Variants in NEGR1 observed in about 807,000 individuals in gnomAD.
The protein encoded by NEGR1 is IgLON family member 4.
In NEGR1, 10 loss-of-function variants were observed where a neutral mutation model predicts 40.9. The ratio of observed to expected loss-of-function variants is 0.24; its 90% CI spans 0.15 to 0.42. The LOEUF (loss-of-function observed/expected upper bound fraction) is 0.42. Ranked by LOEUF, NEGR1 falls within the 10% of genes least tolerant of loss-of-function variation. NEGR1 has a pLI of 1.00. For missense variants in NEGR1, 352 were observed against 438.9 expected (o/e 0.80, Z 1.77); for synonymous variants, 185 against 166.8 (o/e 1.11, Z -0.84).
At chr1:71,419,523 C>T (rs1403348943) in intron 6 of NEGR1, among the ~76,000 whole-genome samples, 1 of 152,056 alleles carries the variant, frequency 6.6e-6, no homozygotes, top group Non-Finnish European at 1.5e-5. Flanking sequence ...CAACAAAAAA[C>T]CCAGGTCTTA....
chr1:72,010,638 C>G (rs1045122053), intron 1 of NEGR1, among the ~76,000 whole-genome samples: 8 of 151,840 alleles, frequency 5.3e-5, no homozygotes, highest in African/African-American at 1.9e-4. Flanking sequence ...TCTCCCACCC[C>G]CTCCAGGACT....
At chr1:71,463,803 A>G (rs899807165) in intron 6 of NEGR1, among the ~76,000 whole-genome samples, 5 of 152,176 alleles carry the variant, frequency 3.3e-5, no homozygotes, top group African/African-American at 1.2e-4. Flanking sequence ...GGACAAAATG[A>G]TGCAGCTACA....
intron 5 of NEGR1, among the ~76,000 whole-genome samples, chr1:71,597,734 T>C (rs1760605): frequency 0.99 from 150,709 of 151,610 alleles, 74,908 homozygotes; most frequent in East Asian, 1. Context: ...GGGTGAAACC[T>C]CGTTTCTACT....
chr1:71,504,599 C>G lies in NEGR1; in HGVS notation c.940+88218G>C, dbSNP rs565417069. On this transcript the variant is annotated intron_variant, in intron 6 of 6. Transcript: ENST00000357731. ...CTTCAGGGGTTCCTTCTGAGTAGGT[C>G]CCACCAGGACTTTTAATAAATTTGA... 5.9e-5 allele frequency among the ~76,000 whole-genome samples: 9 copies of G among 152,200 alleles called. No homozygotes were observed. The South Asian group carries it at 1.7e-3, about 28-fold the overall frequency.
intron 1 of NEGR1, among the ~76,000 whole-genome samples, chr1:72,254,842 C>T (rs763757937): frequency 6.6e-6 from 1 of 150,902 alleles, no homozygotes; most frequent in Non-Finnish European, 1.5e-5. Context: ...TGTTTAAAAA[C>T]TTGTCTCTTT....
intron 6 of NEGR1, chr1:71,487,909 G>T (rs1454251309): frequency 6.6e-6 from 1 of 151,628 alleles, no homozygotes; most frequent in Non-Finnish European, 1.5e-5. Context: ...CTAAAAACAT[G>T]TTGATCATGA....
chr1:71,725,126 T>C (rs1654629660), intron 3 of NEGR1, among the ~76,000 whole-genome samples: 1 of 152,192 alleles, frequency 6.6e-6, no homozygotes, highest in South Asian at 2.1e-4. Flanking sequence ...TGGTATCTAT[T>C]ATATTACTCT....
At chr1:71,501,869 T>A (rs1305345056) in intron 6 of NEGR1, among the ~76,000 whole-genome samples, 2 of 152,206 alleles carry the variant, frequency 1.3e-5, no homozygotes, top group Non-Finnish European at 2.9e-5. Context: ...TAAAGCATAT[T>A]AATTACTTAT....
rs139647987 is a variant in NEGR1 at position 71,956,329 on chromosome 1, C to T, written c.177-21018G>A. Among the ~76,000 whole-genome samples the T allele has an allele frequency of 8.9e-3, 1,353 of 152,158 alleles. 11 individuals are homozygous for T. Among genetic ancestry groups the T allele is most frequent in the Middle Eastern group, 0.027 (8 of 294 alleles). ...TATCTTCTACCGTGATTATTAATGA[C>T]ACAAATTAGAAATATATTCAACTTT... On this transcript the variant is annotated intron_variant, in intron 1 of 6. Transcript: ENST00000357731.
chr1:71,879,446 C>T lies in NEGR1; in HGVS notation c.409+55633G>A, dbSNP rs550614589. Among the ~76,000 whole-genome samples the T allele has an allele frequency of 3.3e-5, 5 of 152,288 alleles. No homozygotes were observed. In the East Asian group the frequency reaches 9.6e-4, roughly 29 times the overall value. ...AACAATACATGCCAGCATAGTGGCT[C>T]AAGCCCAGTTACTTTTAGGGAGGCA... On this transcript the variant is annotated intron_variant, in intron 2 of 6. Transcript: ENST00000357731.
In NEGR1 at chr1:71,402,946, G is replaced by A. The variant is rs1646255728; in HGVS notation, c.*4500C>T. ...AGGGAAGAAATAATGAAGCTGTGGG[G>A]GAAATCAGACATTTATTAGAACATT... On this transcript the variant is annotated 3_prime_UTR_variant, in exon 7 of 7. Transcript: ENST00000357731. 1 of 152,022 alleles carries A rather than the reference G, an allele frequency of 6.6e-6. No individual in the cohort carries two copies. The highest frequency in any genetic ancestry group is 1.5e-5 in the Non-Finnish European group (1 of 67,944). 9.4% of individuals were successfully genotyped at this position (152,022 alleles called of 1,614,324 possible).
intron 2 of NEGR1, among the ~76,000 whole-genome samples, chr1:71,868,895 T>C (rs867730416): frequency 6.6e-6 from 1 of 152,090 alleles, no homozygotes; most frequent in Non-Finnish European, 1.5e-5. Context: ...ACCCCCAATA[T>C]GTATGTACAT....
chr1:72,124,633 A>C (rs1187287861), intron 1 of NEGR1, among the ~76,000 whole-genome samples: 5 of 152,116 alleles, frequency 3.3e-5, no homozygotes, highest in Non-Finnish European at 5.9e-5. Context: ...AAAAATTAGC[A>C]GGGACCTAAT....
chr1:71,435,696 G>A (rs1479096975), intron 6 of NEGR1, among the ~76,000 whole-genome samples: 1 of 152,160 alleles, frequency 6.6e-6, no homozygotes, highest in Non-Finnish European at 1.5e-5. Flanking sequence ...GCCTTGAAGG[G>A]CAAAGATAAA....
Position 71,619,253 on chromosome 1 carries a change from T to C in NEGR1, c.668-8107A>G, listed in dbSNP as rs111751172. ...TTTTAAGTAATCACAGTGGGCTCTTTCTTAGAAAGATGATCAAATGAAAAA... is the reference window on the plus strand; with the variant it reads ...TTTTAAGTAATCACAGTGGGCTCTTCCTTAGAAAGATGATCAAATGAAAAA... On this transcript the variant is annotated intron_variant, in intron 4 of 6. Transcript: ENST00000357731. Among the ~76,000 whole-genome samples, 276 of 152,222 alleles carry C rather than the reference T, an allele frequency of 1.8e-3. 1 individual carries two copies. The highest frequency in any genetic ancestry group is 6.5e-3 in the African/African-American group (269 of 41,554).
chr1:71,914,496 A>G (rs1661516409), intron 2 of NEGR1, among the ~76,000 whole-genome samples: 1 of 152,172 alleles, frequency 6.6e-6, no homozygotes, highest in Non-Finnish European at 1.5e-5. Context: ...CATTCATTTG[A>G]TCATCCCACT....
intron 1 of NEGR1, among the ~76,000 whole-genome samples, chr1:72,003,272 A>G (rs1360515912): frequency 1.3e-5 from 2 of 151,738 alleles, no homozygotes; most frequent in Non-Finnish European, 2.9e-5. Context: ...CTCTGGTGGT[A>G]CAATATTGAC....
chr1:72,081,249 T>C (rs922625347), intron 1 of NEGR1, among the ~76,000 whole-genome samples: 2 of 152,060 alleles, frequency 1.3e-5, no homozygotes, highest in African/African-American at 4.8e-5. Context: ...ACAGAGTAAA[T>C]GGATAGGACA....
intron 6 of NEGR1, among the ~76,000 whole-genome samples, chr1:71,493,364 A>AT (rs1646942059): frequency 6.6e-6 from 1 of 152,048 alleles, no homozygotes; most frequent in African/African-American, 2.4e-5. Context: ...GGGAAGCCCA[A>AT]TTTTTCAAAA....
Sources: gnomAD v4.1 joint callset for allele counts (sites outside exome capture counted in the v4.1 genomes callset) on GRCh38, gnomAD v4.1.1 for gene constraint, MANE v1.5 for transcripts, NCBI Gene and HGNC (gene_info 2026-07-23, HGNC 2026-07-21) for gene names.